PPP2R2C: variants seen among roughly 807,000 people sequenced by gnomAD.
The protein encoded by PPP2R2C is protein phosphatase 2, regulatory subunit B, gamma.
PPP2R2C carries 10 observed loss-of-function variants against 45.3 expected under a neutral mutation model. That is an observed-to-expected ratio of 0.22 (90% confidence interval 0.14 to 0.37). The LOEUF (loss-of-function observed/expected upper bound fraction) is 0.37. Among genes scored for constraint, PPP2R2C ranks in the 10% least tolerant of loss-of-function variants. PPP2R2C has a pLI of 1.00. For missense variants in PPP2R2C, 308 were observed against 619.7 expected (o/e 0.50, Z 5.34); for synonymous variants, 257 against 245.4 (o/e 1.05, Z -0.44).
At chr4:6,457,567 T>C (rs1414311196) in intron 1 of PPP2R2C, among the ~76,000 whole-genome samples, 3 of 152,024 alleles carry the variant, frequency 2.0e-5, no homozygotes, top group African/African-American at 4.8e-5. Context: ...AGAGACAGGG[T>C]CTCACTATAT....
intron 5 of PPP2R2C, among the ~76,000 whole-genome samples, chr4:6,365,569 A>G (rs146940896): frequency 2.0e-4 from 30 of 152,340 alleles, no homozygotes; most frequent in African/African-American, 7.2e-4. Flanking sequence ...GCAGGGGTAG[A>G]GCCTGGGCTC....
chr4:6,451,396 C>A (rs1446491389), intron 1 of PPP2R2C, among the ~76,000 whole-genome samples: 1 of 152,228 alleles, frequency 6.6e-6, no homozygotes, highest in Non-Finnish European at 1.5e-5. Flanking sequence ...TGAGCCCCAA[C>A]AAAATCCAGT....
chr4:6,379,693 G>A (rs928901996), intron 2 of PPP2R2C, among the ~76,000 whole-genome samples: 3 of 152,234 alleles, frequency 2.0e-5, no homozygotes, highest in African/African-American at 4.8e-5. Context: ...GGTGCTGGCC[G>A]AGTGCTGTGT....
At chr4:6,447,678 G>A (rs532340435) in intron 1 of PPP2R2C, among the ~76,000 whole-genome samples, 25 of 152,226 alleles carry the variant, frequency 1.6e-4, no homozygotes, top group African/African-American at 3.6e-4. Context: ...ACATCCTTCC[G>A]TCGCCCTTTT....
intron 1 of PPP2R2C, among the ~76,000 whole-genome samples, chr4:6,413,560 G>C (rs1560528902): frequency 6.6e-6 from 1 of 152,182 alleles, no homozygotes; most frequent in Non-Finnish European, 1.5e-5. Flanking sequence ...GCATCCCAGA[G>C]GCTGGGGATG....
chr4:6,384,237 T>G, intron 1 of PPP2R2C: 1 of 985,436 alleles, frequency 1.0e-6, no homozygotes, highest in Non-Finnish European at 1.2e-6. Flanking sequence ...TTCTTGCTAT[T>G]TCATATTAAA....
intron 1 of PPP2R2C, among the ~76,000 whole-genome samples, chr4:6,423,193 T>C (rs1317088914): frequency 6.6e-6 from 1 of 152,098 alleles, no homozygotes; most frequent in East Asian, 1.9e-4. Context: ...TTTGGGGGTT[T>C]TCTTGTTTTA....
chr4:6,454,209 T>C (rs1372995886), intron 1 of PPP2R2C, among the ~76,000 whole-genome samples: 2 of 152,112 alleles, frequency 1.3e-5, no homozygotes, highest in African/African-American at 4.8e-5. Context: ...TGGCACACCG[T>C]GTTTCCCAGG....
chr4:6,482,415 A>G (rs1722385044), intron 2 of PPP2R2C, among the ~76,000 whole-genome samples: 1 of 152,156 alleles, frequency 6.6e-6, no homozygotes, highest in Non-Finnish European at 1.5e-5. Context: ...TCTGCTGTGA[A>G]CCACTGAACC....
intron 5 of PPP2R2C, among the ~76,000 whole-genome samples, chr4:6,357,995 T>A (rs1031138017): frequency 2.0e-5 from 3 of 152,136 alleles, no homozygotes; most frequent in African/African-American, 7.2e-5. Flanking sequence ...ACTTTAAAAT[T>A]CATATGGAAC....
intron 6 of PPP2R2C, among the ~76,000 whole-genome samples, chr4:6,335,422 C>A (rs1732767100): frequency 6.6e-6 from 1 of 152,038 alleles, no homozygotes; most frequent in Admixed American, 6.5e-5. Context: ...CACGCAAGGG[C>A]CCTGAGGCAG....
intron 5 of PPP2R2C, among the ~76,000 whole-genome samples, chr4:6,361,994 G>T (rs1305920032): frequency 1.3e-5 from 2 of 152,136 alleles, no homozygotes; most frequent in Non-Finnish European, 2.9e-5. Context: ...AATTATCCCG[G>T]CAGAGCTAGT....
chr4:6,547,738 C>G (rs189941574), intron 1 of PPP2R2C, among the ~76,000 whole-genome samples: 1 of 152,222 alleles, frequency 6.6e-6, no homozygotes, highest in Admixed American at 6.5e-5. Context: ...GCTAGTGGTG[C>G]TGAAACAACC....
chr4:6,419,428 A>T (rs1314207446), intron 1 of PPP2R2C, among the ~76,000 whole-genome samples: 1 of 142,062 alleles, frequency 7.0e-6, no homozygotes, highest in East Asian at 2.0e-4. Flanking sequence ...ACTCTGTCTA[A>T]AAAAAGAAAG....
chr4:6,498,729 G>A (rs1015845096), intron 2 of PPP2R2C, among the ~76,000 whole-genome samples: 1 of 152,100 alleles, frequency 6.6e-6, no homozygotes, highest in African/African-American at 2.4e-5. Context: ...ACTGAGCCCA[G>A]TGAGCTCCCG....
chr4:6,337,060 G>C (rs575186573), intron 6 of PPP2R2C, among the ~76,000 whole-genome samples: 3 of 101,120 alleles, frequency 3.0e-5, no homozygotes, highest in African/African-American at 1.1e-4. Flanking sequence ...ATAATGTTTT[G>C]TGCCCCGATA....
At chr4:6,417,023 G>C (rs1718636940) in intron 1 of PPP2R2C, among the ~76,000 whole-genome samples, 1 of 152,354 alleles carries the variant, frequency 6.6e-6, no homozygotes, top group East Asian at 1.9e-4. Context: ...ACACCTGCCT[G>C]CTGGGGTCCA....
chr4:6,377,058 T>G (rs1715365230), intron 3 of PPP2R2C, among the ~76,000 whole-genome samples: 1 of 152,126 alleles, frequency 6.6e-6, no homozygotes, highest in African/African-American at 2.4e-5. Context: ...GCAAGGCTTA[T>G]GGGATGAGGA....
At chr4:6,379,934 C>T (rs1182142687) in intron 2 of PPP2R2C, 1 of 152,286 alleles carries the variant, frequency 6.6e-6, no homozygotes, top group Non-Finnish European at 1.5e-5. Context: ...CAGGTCCTCT[C>T]TTCACCCCCG....
Sources: allele counts gnomAD v4.1 joint callset (sites outside exome capture counted in the v4.1 genomes callset), GRCh38; gene constraint gnomAD v4.1.1; transcripts MANE v1.5; gene names NCBI Gene and HGNC (gene_info 2026-07-23, HGNC 2026-07-21).